The following IQGAP1 variants were observed in gnomAD, a reference collection of about 807,000 sequenced individuals.
IQGAP1 encodes the protein ras GTPase-activating-like protein IQGAP1.
Under a neutral mutation model 215.6 loss-of-function variants are expected in IQGAP1, and 66 were observed. The observed-to-expected ratio is 0.31, with a 90% CI of 0.25 to 0.38. The LOEUF is 0.38. IQGAP1 is among the 10% of genes least tolerant of loss of function. The probability of loss-of-function intolerance (pLI) is 1.00; values close to 1 mark genes in which losing one functional copy is unlikely to be tolerated. For synonymous variants in IQGAP1, 772 were observed against 728.7 expected (o/e 1.06, Z -0.96); for missense variants, 1,712 against 1,997.1 (o/e 0.86, Z 2.72).
chr15:90,498,664 G>A (rs11638780), intron 37 of IQGAP1, among the ~76,000 whole-genome samples: 65 of 151,542 alleles, frequency 4.3e-4, no homozygotes, highest in African/African-American at 1.5e-3. Flanking sequence ...TTTTTGGAGG[G>A]GGGGGCAGAG....
intron 15 of IQGAP1, among the ~76,000 whole-genome samples, chr15:90,457,872 A>G (rs1218027017): frequency 1.3e-5 from 2 of 152,232 alleles, no homozygotes; most frequent in East Asian, 3.8e-4. Flanking sequence ...AGATAATGTC[A>G]TGAAGGTTTT....
intron 35 of IQGAP1, 127 bp downstream of exon 35, chr15:90,492,838 A>G: frequency 1.4e-6 from 1 of 697,962 alleles, no homozygotes; most frequent in Non-Finnish European, 2.3e-6. Flanking sequence ...TTAGTCTTTT[A>G]TTTTACCTCT....
chr15:90,435,903 T>C (rs763754227), intron 5 of IQGAP1, among the ~76,000 whole-genome samples: 16 of 152,210 alleles, frequency 1.1e-4, no homozygotes, highest in Non-Finnish European at 2.2e-4. Context: ...TTTGATAATA[T>C]GTAGGAAGTA....
intron 29 of IQGAP1, among the ~76,000 whole-genome samples, chr15:90,483,800 T>C (rs553856710): frequency 2.4e-4 from 36 of 152,338 alleles, no homozygotes; most frequent in African/African-American, 8.7e-4. Context: ...ACTTATGAAA[T>C]AGATAGTAGT....
chr15:90,425,047 C>G (rs910941452), intron 2 of IQGAP1, among the ~76,000 whole-genome samples: 1 of 151,910 alleles, frequency 6.6e-6, no homozygotes, highest in African/African-American at 2.4e-5. Flanking sequence ...CAGTGGCTCA[C>G]ACCTGTAATC....
intron 34 of IQGAP1, among the ~76,000 whole-genome samples, chr15:90,492,289 A>T (rs548367814): frequency 5.9e-5 from 9 of 151,950 alleles, no homozygotes; most frequent in Non-Finnish European, 1.2e-4. Context: ...AATTAGCCAG[A>T]TGTGGTGGCA....
chr15:90,481,862 A>G, intron 26 of IQGAP1, 98 bp from the exon 27 acceptor site: 2 of 1,286,948 alleles, frequency 1.6e-6, no homozygotes, highest in South Asian at 1.4e-5. Context: ...GCTATCTAAT[A>G]TTTCTGGGTC....
At chr15:90,394,232 A>T (rs1964681835) in intron 2 of IQGAP1, among the ~76,000 whole-genome samples, 1 of 139,896 alleles carries the variant, frequency 7.1e-6, no homozygotes, top group African/African-American at 2.7e-5. Flanking sequence ...GTGGCATATT[A>T]CCCTAGCACA....
intron 9 of IQGAP1, among the ~76,000 whole-genome samples, chr15:90,444,983 C>G (rs552081444): frequency 6.6e-6 from 1 of 152,178 alleles, no homozygotes; most frequent in African/African-American, 2.4e-5. Context: ...ACTAGCTGGA[C>G]GTGGTGACAT....
intron 18 of IQGAP1, among the ~76,000 whole-genome samples, chr15:90,472,583 A>G (rs556963500): frequency 1.2e-4 from 19 of 152,222 alleles, no homozygotes; most frequent in East Asian, 7.7e-4. Context: ...GGATAGGTAG[A>G]TAAGTGAGAT....
intron 2 of IQGAP1, among the ~76,000 whole-genome samples, chr15:90,398,869 G>A (rs1179084422): frequency 6.6e-6 from 1 of 151,912 alleles, no homozygotes; most frequent in Non-Finnish European, 1.5e-5. Context: ...AGTTGGGTAT[G>A]GTGGCGTGTG....
At chr15:90,428,399 A>G (rs1429644402) in intron 3 of IQGAP1, among the ~76,000 whole-genome samples, 2 of 152,196 alleles carry the variant, frequency 1.3e-5, no homozygotes, top group South Asian at 2.1e-4. Context: ...TTGAATACAC[A>G]GTTATTCTGA....
Position 90,388,286 on chromosome 15 carries a change from C to A in IQGAP1, c.-56C>A. The A allele has an allele frequency of 3.2e-6, 5 of 1,581,284 alleles. No homozygotes were observed. Among genetic ancestry groups the A allele is most frequent in the African/African-American group, 1.4e-5 (1 of 72,044 alleles). The stretch of plus-strand genomic sequence containing the variant: ...ACTTGGCAGGAGCTGTAGCTACCGC[C>A]GTCCGCGCCTCCAAGGTTTCACGGC... On this transcript the variant is annotated 5_prime_UTR_variant, in exon 1 of 38. Transcript: ENST00000268182.
intron 2 of IQGAP1, among the ~76,000 whole-genome samples, chr15:90,408,819 T>C (rs1287697409): frequency 2.0e-5 from 3 of 152,106 alleles, no homozygotes; most frequent in Non-Finnish European, 4.4e-5. Context: ...AGAGAAAGGG[T>C]CTTGCTCTCT....
chr15:90,394,409 G>A (rs1964683914), intron 2 of IQGAP1, among the ~76,000 whole-genome samples: 1 of 152,126 alleles, frequency 6.6e-6, no homozygotes, highest in Non-Finnish European at 1.5e-5. Context: ...AAGGAAAGAA[G>A]CCTGGGAATG....
At chr15:90,422,049 A>G (rs140611625) in intron 2 of IQGAP1, among the ~76,000 whole-genome samples, 1,805 of 152,340 alleles carry the variant, frequency 0.012, 43 homozygotes, top group African/African-American at 0.041. Context: ...TTAATTATTA[A>G]AAAGTAGGCA....
At chr15:90,406,699 T>G (rs1964883292) in intron 2 of IQGAP1, among the ~76,000 whole-genome samples, 1 of 152,198 alleles carries the variant, frequency 6.6e-6, no homozygotes, top group African/African-American at 2.4e-5. Flanking sequence ...GTCAGTGAAG[T>G]TAGGATTTTA....
At chr15:90,395,521 C>T (rs534414942) in intron 2 of IQGAP1, among the ~76,000 whole-genome samples, 61 of 152,190 alleles carry the variant, frequency 4.0e-4, no homozygotes, top group Non-Finnish European at 6.0e-4. Context: ...GGGGTTTCAC[C>T]GTGTTAGCCA....
intron 8 of IQGAP1, 78 bp from the exon 9 acceptor site, chr15:90,443,316 A>G (rs1965478643): frequency 1.2e-6 from 1 of 829,710 alleles, no homozygotes; most frequent in African/African-American, 1.7e-5. Flanking sequence ...GTTATGGTGC[A>G]GGAGGAGCAC....
Sources: gnomAD v4.1 joint callset for allele counts (sites outside exome capture counted in the v4.1 genomes callset) on GRCh38, gnomAD v4.1.1 for gene constraint, MANE v1.5 for transcripts, NCBI Gene and HGNC (gene_info 2026-07-23, HGNC 2026-07-21) for gene names.